The following GPRC5C variants were observed in gnomAD, a reference collection of about 807,000 sequenced individuals.
GPRC5C encodes G protein-coupled receptor class C group 5 member C, also known as G protein-coupled receptor family C group 5 member C.
A neutral mutation model predicts 31.4 loss-of-function variants in GPRC5C; 22 were observed. The observed-to-expected ratio is 0.70, with a 90% CI of 0.50 to 1.00. The LOEUF is 1.00. Among genes scored for constraint, GPRC5C ranks in the 50% least tolerant of loss-of-function variants. The pLI is 0.00. For synonymous variants in GPRC5C, 249 were observed against 257.5 expected (o/e 0.97, Z 0.32); for missense variants, 557 against 597.2 (o/e 0.93, Z 0.70).
At chr17:74,433,864 T>C in intron 1 of GPRC5C, 3 of 860,938 alleles carry the variant, frequency 3.5e-6, no homozygotes, top group Non-Finnish European at 6.1e-6. Context: ...GTGTGGATGA[T>C]GCTGGAGCGA....
chr17:74,442,534 C>T (rs1359114461), intron 2 of GPRC5C, among the ~76,000 whole-genome samples: 1 of 152,206 alleles, frequency 6.6e-6, no homozygotes, highest in Non-Finnish European at 1.5e-5. Flanking sequence ...ATCTCAAAGT[C>T]CTGACCCTGC....
At chr17:74,449,645 C>T (rs910358172), downstream of GPRC5C, 2 of 251,128 alleles carry the variant, frequency 8.0e-6, no homozygotes, top group Admixed American at 9.8e-5. Flanking sequence ...CTCCAACTCC[C>T]CTCTTGACAC....
rs2055509959 is a variant in GPRC5C, at chr17:74,440,289, TAC to T, written c.515_516del (p.Thr172ArgfsTer68). On this transcript the variant is annotated frameshift_variant, in exon 2 of 4. Coordinates refer to ENST00000392627, the MANE Select transcript of GPRC5C (RefSeq NM_022036.4). LOFTEE classifies it high-confidence loss of function. The surrounding 1 kb of genome is among the most constrained non-coding windows in gnomAD (Gnocchi z 4.4). ...LLTLVEVIIN[T>X]EWLIITLVRG... ...TGACCCTGGTAGAGGTCATCATCAA[TAC>T]AGAGTGGCTGATCATCACCCTGGTT... 1.9e-6 allele frequency: 3 copies of T among 1,614,112 alleles called. No individual in the cohort carries two copies. Among genetic ancestry groups the T allele is most frequent in the Non-Finnish European group, 1.7e-6 (2 of 1,179,988 alleles).
chr17:74,440,938 A>G lies in GPRC5C; in HGVS notation c.1051+111A>G. The G allele has an allele frequency of 1.0e-6, 1 of 966,022 alleles. No individual in the cohort carries two copies. The highest frequency in any genetic ancestry group is 1.4e-6 in the Non-Finnish European group (1 of 711,944). 59.8% of individuals were successfully genotyped at this position (966,022 alleles called of 1,614,324 possible). ...ATGGAAAGTTTTTGAGGTTTTCTGT[A>G]GTTTTCTGCCTAAGTGTCTCTAAAT... On this transcript the variant is annotated intron_variant, in intron 2 of 3. Transcript: ENST00000392627. The surrounding 1 kb of genome is among the most constrained non-coding windows in gnomAD (Gnocchi z 4.4).
At chr17:74,432,484 C>T (rs1399667075) in intron 1 of GPRC5C, 20 of 1,046,882 alleles carry the variant, frequency 1.9e-5, no homozygotes, top group Non-Finnish European at 2.2e-5. Context: ...GGAGTTGGCC[C>T]CAAACGCTGC....
At chr17:74,439,677 A>G in intron 1 of GPRC5C, 68 bp from the exon 2 acceptor site, 3 of 1,439,028 alleles carry the variant, frequency 2.1e-6, no homozygotes, top group Non-Finnish European at 2.8e-6. Flanking sequence ...GGTTGGGGGA[A>G]GCAGCACCAT....
At position 74,447,260 on chromosome 17, in the gene GPRC5C, C is replaced by T; in HGVS notation, c.*232C>T. 7.8e-7 allele frequency: 1 copy of T among 1,289,026 alleles called. No homozygotes were observed. Among genetic ancestry groups the T allele is most frequent in the Non-Finnish European group, 9.8e-7 (1 of 1,016,078 alleles). The allele number at this position is 1,289,026 out of a possible 1,614,324, so 79.8% of individuals were successfully genotyped here. ...AACCCCAGCCTCCTGCCAGGATCAC[C>T]TCGGCGGTCACACTCCAGCCAAATA... is the stretch of plus-strand genomic sequence containing the variant. On this transcript the variant is annotated 3_prime_UTR_variant, in exon 4 of 4. Coordinates refer to ENST00000392627, the MANE Select transcript of GPRC5C (RefSeq NM_022036.4).
chr17:74,439,920 G>A lies in GPRC5C; in HGVS notation c.144G>A (p.Ala48=), dbSNP rs767530166. 38 of 1,612,198 alleles carry A rather than the reference G, an allele frequency of 2.4e-5. No individual in the cohort carries two copies. The highest frequency in any genetic ancestry group is 1.6e-4 in the Middle Eastern group (1 of 6,084). The change falls in exon 2 of 4, where the codon GCG becomes GCA. Residue 48 remains alanine, a synonymous_variant. Transcript: ENST00000392627. ...ACAACCTGTGTGACCGCTCTGGGGC[G>A]TGGGGCATCGTCCTGGAGGCCGTGG... The part of the protein sequence containing the change: ...LYYNLCDRSG[A]WGIVLEAVAG...
intron 2 of GPRC5C, 65 bp from the exon 3 acceptor site, chr17:74,443,753 G>C: frequency 8.4e-7 from 1 of 1,193,570 alleles, no homozygotes; most frequent in Non-Finnish European, 1.3e-6. Flanking sequence ...TGCTTGGTTT[G>C]TGGGAGGTGG....
chr17:74,433,417 G>A (rs1219718671), intron 1 of GPRC5C, among the ~76,000 whole-genome samples: 3 of 152,154 alleles, frequency 2.0e-5, no homozygotes, highest in East Asian at 3.9e-4. Context: ...ATAGGGGTGG[G>A]GTGTCTAGGC....
At position 74,446,672 on chromosome 17, in the gene GPRC5C, G is replaced by A. The variant is rs545139026; in HGVS notation, c.1147-177G>A. 362 of 588,530 alleles carry A rather than the reference G, an allele frequency of 6.2e-4. No individual in the cohort carries two copies. The African/African-American group carries it at 6.2e-3, about 10-fold the overall frequency. The allele number at this position is 588,530 out of a possible 1,614,324, so 36.5% of individuals were successfully genotyped here. A position where few individuals can be genotyped will look rare whatever the true frequency, so the allele number is the denominator to read the frequency against. Reference sequence around the variant, plus strand: ...GCCCAGAGGCAGGGTGAGATAAGGGGCTCAGGTCTGGCTGTCCCAGGCTGC... The same window carrying A: ...GCCCAGAGGCAGGGTGAGATAAGGGACTCAGGTCTGGCTGTCCCAGGCTGC... On this transcript the variant is annotated intron_variant, in intron 3 of 3. Coordinates refer to ENST00000392627, the MANE Select transcript of GPRC5C (RefSeq NM_022036.4).
chr17:74,442,357 C>T (rs2055554840), intron 2 of GPRC5C, among the ~76,000 whole-genome samples: 1 of 152,174 alleles, frequency 6.6e-6, no homozygotes, highest in Non-Finnish European at 1.5e-5. Flanking sequence ...CTCAGCAGCG[C>T]CCTTGTTAGC....
rs1296596497 is a variant in GPRC5C, at chr17:74,432,133, A to T, written c.-41A>T. 4 of 1,612,816 alleles carry T rather than the reference A, an allele frequency of 2.5e-6. No individual in the cohort carries two copies. The Admixed American group carries it at 5.0e-5, about 20-fold the overall frequency. ...CCAGCCGGAAAGTACGAGTCGGCTC[A>T]GCCTGGAGGTGAGTCGGGGCGGGGA... On this transcript the variant is annotated 5_prime_UTR_variant, in exon 1 of 4. Coordinates refer to ENST00000392627, the MANE Select transcript of GPRC5C (RefSeq NM_022036.4).
At chr17:74,449,382 G>T, downstream of GPRC5C, 1 of 1,285,528 alleles carries the variant, frequency 7.8e-7, no homozygotes, top group Non-Finnish European at 1.0e-6. Context: ...CCTCTTCCCG[G>T]GACTGCACGG....
intron 3 of GPRC5C, 85 bp downstream of exon 3, chr17:74,443,997 A>T: frequency 1.1e-6 from 1 of 951,106 alleles, no homozygotes; most frequent in Non-Finnish European, 1.7e-6. Flanking sequence ...CCATGTGGCC[A>T]GAGCTGGGTT....
In GPRC5C at chr17:74,440,360, G is replaced by T. The variant is rs2055512141; in HGVS notation, c.584G>T (p.Gly195Val). 5 of 1,614,090 alleles carry T rather than the reference G, an allele frequency of 3.1e-6. No homozygotes were observed. Among genetic ancestry groups the T allele is most frequent in the Non-Finnish European group, 2.5e-6 (3 of 1,180,012 alleles). The change falls in exon 2 of 4, where the codon GGC becomes GTC. Residue 195 changes from glycine (G) to valine (V), a missense_variant. Coordinates refer to ENST00000392627, the MANE Select transcript of GPRC5C (RefSeq NM_022036.4). The surrounding 1 kb of genome is among the most constrained non-coding windows in gnomAD (Gnocchi z 4.4). The part of the protein sequence containing the change: ...EGGPQGNSSA[G>V]WAVASPCAIA... ...GGCCCTCAGGGCAACAGCAGCGCAG[G>T]CTGGGCCGTGGCCTCCCCCTGTGCC...
At chr17:74,449,394 A>G, downstream of GPRC5C, 1 of 1,258,480 alleles carries the variant, frequency 7.9e-7, no homozygotes, top group South Asian at 1.2e-5. Flanking sequence ...ACTGCACGGC[A>G]TCCTGATCCT....
chr17:74,447,637 G>C (rs904077287), downstream of GPRC5C, among the ~76,000 whole-genome samples: 1 of 152,196 alleles, frequency 6.6e-6, no homozygotes, highest in Non-Finnish European at 1.5e-5. Context: ...TATTGTGTGC[G>C]ATCAGAATGA....
chr17:74,442,746 C>T (rs773941766), intron 2 of GPRC5C, among the ~76,000 whole-genome samples: 1 of 152,230 alleles, frequency 6.6e-6, no homozygotes, highest in Admixed American at 6.5e-5. Context: ...CTTGTCCTGC[C>T]GGGCACTTGA....
Sources: gnomAD v4.1 joint callset for allele counts (sites outside exome capture counted in the v4.1 genomes callset) on GRCh38, gnomAD v4.1.1 for gene constraint, Gnocchi (gnomAD v3.1) non-coding constraint, MANE v1.5 for transcripts, NCBI Gene and HGNC (gene_info 2026-07-23, HGNC 2026-07-21) for gene names.